Variants in CACNA2D1 observed in about 807,000 individuals in gnomAD.
CACNA2D1 encodes calcium voltage-gated channel auxiliary subunit alpha2delta 1, also known as voltage-dependent calcium channel subunit alpha-2/delta-1.
Under a neutral mutation model 171.5 loss-of-function variants are expected in CACNA2D1, and 53 were observed. The ratio of observed to expected loss-of-function variants is 0.31; its 90% CI spans 0.25 to 0.39. CACNA2D1 has a LOEUF of 0.39. Ranked by LOEUF, CACNA2D1 falls within the 10% of genes least tolerant of loss-of-function variation. The pLI is 1.00. For missense variants in CACNA2D1, 903 were observed against 1,299.8 expected, an observed-to-expected ratio of 0.69 and a Z score of 4.69; for synonymous variants, 442 against 443.1, an observed-to-expected ratio of 1.00 and a Z score of 0.03.
intron 3 of CACNA2D1, among the ~76,000 whole-genome samples, chr7:82,186,845 G>A (rs1267161800): frequency 1.3e-5 from 2 of 152,196 alleles, no homozygotes; most frequent in Admixed American, 6.5e-5. Flanking sequence ...AATTCTGAAT[G>A]TGGCTTTCCA....
At chr7:82,431,054 T>C (rs185457829) in intron 1 of CACNA2D1, among the ~76,000 whole-genome samples, 2 of 152,312 alleles carry the variant, frequency 1.3e-5, no homozygotes, top group Admixed American at 1.3e-4. Context: ...CGGTCTCTTT[T>C]AGGACACTGG....
At chr7:82,173,638 C>A (rs1796267335) in intron 3 of CACNA2D1, among the ~76,000 whole-genome samples, 1 of 151,862 alleles carries the variant, frequency 6.6e-6, no homozygotes, top group African/African-American at 2.4e-5. Flanking sequence ...TTATAGAAAA[C>A]CGACATGTCT....
chr7:82,002,868 A>G (rs1584363737), intron 18 of CACNA2D1, among the ~76,000 whole-genome samples: 1 of 151,536 alleles, frequency 6.6e-6, no homozygotes, highest in Non-Finnish European at 1.5e-5. Flanking sequence ...TTTAAAGAAC[A>G]CTCATCTTCT....
At chr7:82,043,511 AG>A (rs1361561691) in intron 10 of CACNA2D1, among the ~76,000 whole-genome samples, 1 of 152,224 alleles carries the variant, frequency 6.6e-6, no homozygotes, top group East Asian at 1.9e-4. Context: ...TGTTTGAAAC[AG>A]TTTCTGATAA....
At chr7:82,068,840 T>C (rs1584624160) in intron 7 of CACNA2D1, among the ~76,000 whole-genome samples, 1 of 152,182 alleles carries the variant, frequency 6.6e-6, no homozygotes, top group Non-Finnish European at 1.5e-5. Flanking sequence ...GTCACTACCA[T>C]TGCTAATTGA....
intron 10 of CACNA2D1, among the ~76,000 whole-genome samples, chr7:82,057,462 G>A (rs1449442401): frequency 2.6e-5 from 4 of 152,016 alleles, no homozygotes; most frequent in African/African-American, 7.3e-5. Flanking sequence ...GAAAGGGGCA[G>A]GTAATGCAGT....
chr7:82,043,656 G>C (rs1452876442), intron 10 of CACNA2D1, among the ~76,000 whole-genome samples: 4 of 152,110 alleles, frequency 2.6e-5, no homozygotes, highest in Non-Finnish European at 5.9e-5. Context: ...CAAGCTTTTG[G>C]TTTTGTAAAG....
At chr7:82,291,260 T>C (rs1182513828) in intron 3 of CACNA2D1, among the ~76,000 whole-genome samples, 1 of 142,466 alleles carries the variant, frequency 7.0e-6, no homozygotes, top group East Asian at 2.0e-4. Flanking sequence ...ATATACTATA[T>C]AGAATATAGT....
intron 4 of CACNA2D1, among the ~76,000 whole-genome samples, chr7:82,142,132 A>T (rs1195762935): frequency 1.3e-5 from 2 of 152,204 alleles, no homozygotes; most frequent in African/African-American, 4.8e-5. Flanking sequence ...AGATTCAGGG[A>T]TTAAACCTTT....
intron 10 of CACNA2D1, among the ~76,000 whole-genome samples, chr7:82,055,930 G>T (rs200349236): frequency 9.0e-6 from 1 of 111,476 alleles, no homozygotes; most frequent in Admixed American, 9.9e-5. Context: ...GTGTGTGTGT[G>T]TATATATATA....
intron 3 of CACNA2D1, among the ~76,000 whole-genome samples, chr7:82,265,939 T>C (rs902972956): frequency 2.6e-5 from 4 of 152,192 alleles, no homozygotes; most frequent in Non-Finnish European, 5.9e-5. Context: ...TGGCAACTTA[T>C]TGCTCCAACT....
At chr7:82,274,072 C>T (rs538656757) in intron 3 of CACNA2D1, among the ~76,000 whole-genome samples, 182 of 152,216 alleles carry the variant, frequency 1.2e-3, no homozygotes, top group African/African-American at 4.2e-3. Flanking sequence ...CGCACTTGCT[C>T]ATTAAGCTCC....
At chr7:82,078,905 A>AG (rs1210794181) in intron 7 of CACNA2D1, among the ~76,000 whole-genome samples, 1 of 152,150 alleles carries the variant, frequency 6.6e-6, no homozygotes, top group Non-Finnish European at 1.5e-5. Flanking sequence ...GTGGAGAAAG[A>AG]GGAAAAAAAG....
At chr7:82,046,732 A>G (rs1019105428) in intron 10 of CACNA2D1, among the ~76,000 whole-genome samples, 6 of 152,184 alleles carry the variant, frequency 3.9e-5, no homozygotes, top group African/African-American at 1.4e-4. Flanking sequence ...GATAAAATGG[A>G]ATACAATTCC....
intron 7 of CACNA2D1, among the ~76,000 whole-genome samples, chr7:82,082,874 G>A (rs1476751662): frequency 1.3e-5 from 2 of 151,914 alleles, no homozygotes; most frequent in Non-Finnish European, 2.9e-5. Context: ...ATTAGCATTT[G>A]AAGTTAAAGA....
chr7:82,156,938 T>C (rs145432880), intron 4 of CACNA2D1, among the ~76,000 whole-genome samples: 1,690 of 152,276 alleles, frequency 0.011, 32 homozygotes, highest in African/African-American at 0.038. Flanking sequence ...TTATATTCTT[T>C]GAAATAAAAA....
At chr7:81,962,376 C>CA (rs2130258970) in intron 35 of CACNA2D1, 64 bp downstream of exon 35, 3 of 1,158,766 alleles carry the variant, frequency 2.6e-6, no homozygotes, top group South Asian at 2.6e-5. Context: ...TGTTGAACTT[C>CA]AAGCACATCC....
chr7:82,334,026 T>C (rs1196304915), intron 3 of CACNA2D1, among the ~76,000 whole-genome samples: 1 of 152,158 alleles, frequency 6.6e-6, no homozygotes, highest in East Asian at 1.9e-4. Context: ...CAGGAATACA[T>C]AACCTACAAA....
In CACNA2D1 at chr7:81,967,077, A is replaced by C. The variant is rs1794777314; in HGVS notation, c.2502+92T>G. On this transcript the variant is annotated intron_variant, in intron 31 of 38. Coordinates refer to ENST00000356860, the MANE Select transcript of CACNA2D1 (RefSeq NM_000722.4). ...TAGAATTTTTTAGCCTTTGATTAAA[A>C]AATTCCTGCATATTTTTTCATCACT... 7 of 886,176 alleles carry C rather than the reference A, an allele frequency of 7.9e-6. No individual in the cohort carries two copies. In the East Asian group the frequency reaches 1.8e-4, roughly 23 times the overall value. 54.9% of individuals were successfully genotyped at this position (886,176 alleles called of 1,614,324 possible). A position where few individuals can be genotyped will look rare whatever the true frequency, so the allele number is the denominator to read the frequency against.
Sources: gnomAD v4.1 joint callset for allele counts (sites outside exome capture counted in the v4.1 genomes callset) on GRCh38, gnomAD v4.1.1 for gene constraint, MANE v1.5 for transcripts, NCBI Gene and HGNC (gene_info 2026-07-23, HGNC 2026-07-21) for gene names.